The following NAALAD2 variants were observed in gnomAD, a reference collection of about 807,000 sequenced individuals.
NAALAD2 encodes N-acetylated alpha-linked acidic dipeptidase 2, also known as N-acetylated-alpha-linked acidic dipeptidase 2.
NAALAD2 carries 89 observed loss-of-function variants against 95.6 expected under a neutral mutation model. The observed-to-expected ratio is 0.93, with a 90% CI of 0.78 to 1.11. The LOEUF (loss-of-function observed/expected upper bound fraction) is 1.11. NAALAD2 is among the 50% of genes least tolerant of loss of function. The pLI is 0.00. For missense variants in NAALAD2, 894 were observed against 872.4 expected (o/e 1.02, Z -0.31); for synonymous variants, 264 against 294.4 (o/e 0.90, Z 1.06).
chr11:90,134,533 G>A (rs1951406239), upstream of NAALAD2: 1 of 537,884 alleles, frequency 1.9e-6, no homozygotes, highest in African/African-American at 1.9e-5. Flanking sequence ...AATGGAAGTT[G>A]CCCGCCAACA....
chr11:90,185,337 T>G (rs576771283), intron 18 of NAALAD2, among the ~76,000 whole-genome samples: 2 of 152,248 alleles, frequency 1.3e-5, no homozygotes, highest in South Asian at 4.1e-4. Flanking sequence ...ACATAAATAA[T>G]GTATGGGACC....
At chr11:90,158,011 G>T in intron 6 of NAALAD2, 134 bp from the exon 7 acceptor site, 1 of 661,212 alleles carries the variant, frequency 1.5e-6, no homozygotes, top group Non-Finnish European at 2.6e-6. Flanking sequence ...GAGCCACCAC[G>T]CCTGGCCAGG....
At chr11:90,168,068 A>C (rs550267694) in intron 11 of NAALAD2, among the ~76,000 whole-genome samples, 5 of 152,140 alleles carry the variant, frequency 3.3e-5, no homozygotes, top group African/African-American at 1.2e-4. Context: ...ATGAGCTGTA[A>C]CACTCACCTT....
chr11:90,159,143 G>A, intron 7 of NAALAD2, 96 bp from the exon 8 acceptor site: 1 of 934,976 alleles, frequency 1.1e-6, no homozygotes, highest in Non-Finnish European at 1.7e-6. Context: ...ACAAATATTT[G>A]TTATATATAT....
At position 90,167,821 on chromosome 11, in the gene NAALAD2, C is replaced by G. The variant is rs186221836; in HGVS notation, c.1279-1108C>G. 2.0e-5 allele frequency among the ~76,000 whole-genome samples: 3 copies of G among 152,178 alleles called. No individual in the cohort carries two copies. In the East Asian group the frequency reaches 5.8e-4, roughly 30 times the overall value. On this transcript the variant is annotated intron_variant, in intron 11 of 18. Transcript: ENST00000534061. ...TTGTGTGTAGCTCAGGGATTGTAAA[C>G]GCACCTATCAGCACCCTGTCAAAAC...
intron 6 of NAALAD2, among the ~76,000 whole-genome samples, chr11:90,156,922 G>A (rs546295054): frequency 1.3e-5 from 2 of 152,158 alleles, no homozygotes; most frequent in South Asian, 4.2e-4. Context: ...GGATGTTCTA[G>A]GTATCTTTCT....
intron 6 of NAALAD2, among the ~76,000 whole-genome samples, chr11:90,154,314 A>G (rs1951970745): frequency 6.6e-6 from 1 of 151,928 alleles, no homozygotes; most frequent in Admixed American, 6.6e-5. Flanking sequence ...ACAATGAGGA[A>G]GTTTACTTCT....
At chr11:90,159,516 A>G (rs1226965298) in intron 8 of NAALAD2, among the ~76,000 whole-genome samples, 179 bp downstream of exon 8, 1 of 152,206 alleles carries the variant, frequency 6.6e-6, no homozygotes, top group Non-Finnish European at 1.5e-5. Context: ...TAGCAGCATC[A>G]CAATATTAGT....
At chr11:90,169,678 C>T in intron 12 of NAALAD2, 1 of 174,524 alleles carries the variant, frequency 5.7e-6, no homozygotes, top group Non-Finnish European at 1.2e-5. Context: ...AATGTTAGAA[C>T]CTAATAATTA....
intron 4 of NAALAD2, 96 bp from the exon 5 acceptor site, chr11:90,150,386 C>A: frequency 1.6e-6 from 1 of 639,178 alleles, no homozygotes; most frequent in Non-Finnish European, 2.4e-6. Flanking sequence ...AGAAAGGAAA[C>A]ACTTTTGATG....
intron 18 of NAALAD2, among the ~76,000 whole-genome samples, chr11:90,184,370 G>A (rs1346258482): frequency 1.3e-5 from 2 of 152,052 alleles, no homozygotes; most frequent in Non-Finnish European, 2.9e-5. Context: ...CAATAGGCCT[G>A]TAGATTTAAG....
intron 8 of NAALAD2, among the ~76,000 whole-genome samples, chr11:90,162,200 C>A (rs1244422312): frequency 6.6e-6 from 1 of 152,112 alleles, no homozygotes; most frequent in Non-Finnish European, 1.5e-5. Context: ...ATCTTGGATT[C>A]ATAAAATGTG....
intron 11 of NAALAD2, among the ~76,000 whole-genome samples, chr11:90,168,187 C>T (rs1245749331): frequency 6.6e-6 from 1 of 152,186 alleles, no homozygotes; most frequent in African/African-American, 2.4e-5. Context: ...TGAAGGTCTG[C>T]AGCTTCACTT....
At chr11:90,158,347 A>G (rs1408663543) in intron 7 of NAALAD2, 109 bp downstream of exon 7, 2 of 757,030 alleles carry the variant, frequency 2.6e-6, no homozygotes, top group African/African-American at 3.5e-5. Context: ...TTTTATAACT[A>G]AATAACTCCT....
At chr11:90,139,649 A>G (rs1008274610) in intron 2 of NAALAD2, among the ~76,000 whole-genome samples, 3 of 151,916 alleles carry the variant, frequency 2.0e-5, no homozygotes, top group Admixed American at 1.3e-4. Context: ...CTCCACCTTT[A>G]CCTTCCTTTT....
chr11:90,131,839 G>T (rs1951356984), upstream of NAALAD2: 1 of 152,108 alleles, frequency 6.6e-6, no homozygotes. Context: ...TATGTTAGAG[G>T]CTCACTGAAT....
At chr11:90,139,377 C>A (rs1391929977) in intron 2 of NAALAD2, among the ~76,000 whole-genome samples, 1 of 152,150 alleles carries the variant, frequency 6.6e-6, no homozygotes, top group Non-Finnish European at 1.5e-5. Flanking sequence ...CCCTTCCTGC[C>A]TTAAATCTCA....
chr11:90,179,087 C>T (rs568178730), intron 16 of NAALAD2, among the ~76,000 whole-genome samples: 1 of 152,294 alleles, frequency 6.6e-6, no homozygotes, highest in East Asian at 1.9e-4. Flanking sequence ...TAAAAAAGAA[C>T]ATATCATGTT....
At chr11:90,143,547 G>A (rs551154837) in intron 2 of NAALAD2, among the ~76,000 whole-genome samples, 1 of 151,926 alleles carries the variant, frequency 6.6e-6, no homozygotes, top group Admixed American at 6.6e-5. Flanking sequence ...AGCCTGTTTA[G>A]GCTCTCTGAG....
Sources: allele counts gnomAD v4.1 joint callset (sites outside exome capture counted in the v4.1 genomes callset), GRCh38; gene constraint gnomAD v4.1.1; transcripts MANE v1.5; gene names NCBI Gene and HGNC (gene_info 2026-07-23, HGNC 2026-07-21).